The following ITPR2 variants were observed in gnomAD, a reference collection of about 807,000 sequenced individuals.
ITPR2 encodes inositol 1,4,5-trisphosphate receptor type 2, also known as inositol 1,4,5-trisphosphate-gated calcium channel ITPR2.
Under a neutral mutation model 317.1 loss-of-function variants are expected in ITPR2, and 207 were observed. That is an observed-to-expected ratio of 0.65 (90% CI 0.58 to 0.73). The LOEUF (loss-of-function observed/expected upper bound fraction) is 0.73. Among genes scored for constraint, ITPR2 ranks in the 30% least tolerant of loss-of-function variants. The pLI is 0.00. For synonymous variants in ITPR2, 1,156 were observed against 1,149.1 expected (o/e 1.01, Z -0.12); for missense variants, 2,613 against 3,284.0 (o/e 0.80, Z 4.99).
chr12:26,439,686 C>T lies in ITPR2; in HGVS notation c.6451-367G>A, dbSNP rs143577737. ...ATTGGCTGGGTAGCCTTAAACATAGCGCTTATGTTATTTGTATCTTGTTCT... is the reference window on the plus strand; with the variant it reads ...ATTGGCTGGGTAGCCTTAAACATAGTGCTTATGTTATTTGTATCTTGTTCT... On this transcript the variant is annotated intron_variant, in intron 46 of 56. Transcript: ENST00000381340. Among the ~76,000 whole-genome samples, 25 of 152,260 alleles carry T rather than the reference C, an allele frequency of 1.6e-4. No individual in the cohort carries two copies. The East Asian group carries it at 2.3e-3, about 14-fold the overall frequency.
rs547133691 is a variant in ITPR2, at chr12:26,774,815, T to G, written c.163+15342A>C. Among the ~76,000 whole-genome samples, 8 of 152,318 alleles carry G rather than the reference T, an allele frequency of 5.3e-5. No individual in the cohort carries two copies. The East Asian group carries it at 1.5e-3, about 29-fold the overall frequency. On this transcript the variant is annotated intron_variant, in intron 2 of 56. Transcript: ENST00000381340. ...CTGCATGAGAGCTCTCCCTGCCACA[T>G]GGAGAAACAGCAGGAACAGTGCAGA...
intron 55 of ITPR2, among the ~76,000 whole-genome samples, chr12:26,343,423 A>G (rs906201457): frequency 6.6e-6 from 1 of 152,252 alleles, no homozygotes; most frequent in African/African-American, 2.4e-5. Context: ...TAATGGATGC[A>G]GACTATTAGC....
chr12:26,527,843 T>G (rs1173153378), intron 37 of ITPR2, among the ~76,000 whole-genome samples: 2 of 152,198 alleles, frequency 1.3e-5, no homozygotes, highest in African/African-American at 4.8e-5. Context: ...TGGAGAAAGG[T>G]CAATAGGGAA....
chr12:26,631,490 T>C (rs1256005336), intron 22 of ITPR2, among the ~76,000 whole-genome samples: 1 of 152,202 alleles, frequency 6.6e-6, no homozygotes, highest in African/African-American at 2.4e-5. Context: ...TCAATTCAAT[T>C]AAAAATAGGA....
intron 52 of ITPR2, among the ~76,000 whole-genome samples, chr12:26,410,974 A>G (rs1940527345): frequency 6.6e-6 from 1 of 152,228 alleles, no homozygotes; most frequent in South Asian, 2.1e-4. Flanking sequence ...CTTTTGAATT[A>G]TAAGCCCATA....
At chr12:26,495,005 T>C in intron 38 of ITPR2, 147 bp downstream of exon 38, 3 of 628,936 alleles carry the variant, frequency 4.8e-6, no homozygotes, top group South Asian at 1.9e-5. Flanking sequence ...TGTTGTTTTA[T>C]GAGCCCCAAA....
In ITPR2 at chr12:26,716,234, T is replaced by C. The variant is rs754574514; in HGVS notation, c.534A>G (p.Val178=). 1.9e-6 allele frequency: 3 copies of C among 1,605,572 alleles called. No individual in the cohort carries two copies. The highest frequency in any genetic ancestry group is 2.2e-5 in the East Asian group (1 of 44,766). ...CAGGCATCAAAACAACTTTATCTCC[T>C]ACAACAATCTAGGAAGCAGAAATAA... ...KLRSEGDNIV[V]GDKVVLMPVN... is the part of the protein sequence containing the mutation. The change falls in exon 6 of 57, where the codon GTA becomes GTG. Residue 178 remains valine (V), a synonymous_variant. Transcript: ENST00000381340.
At chr12:26,528,381 G>A (rs548857545) in intron 37 of ITPR2, among the ~76,000 whole-genome samples, 10 of 152,246 alleles carry the variant, frequency 6.6e-5, no homozygotes, top group Non-Finnish European at 1.2e-4. Flanking sequence ...TTGTATGTTT[G>A]AGGAACACTG....
intron 43 of ITPR2, among the ~76,000 whole-genome samples, chr12:26,479,571 A>C (rs1364550512): frequency 6.6e-6 from 1 of 152,210 alleles, no homozygotes; most frequent in African/African-American, 2.4e-5. Context: ...AAGATAAAAC[A>C]ACAAAAATTT....
At chr12:26,342,283 T>C (rs1462516302) in intron 55 of ITPR2, among the ~76,000 whole-genome samples, 2 of 152,180 alleles carry the variant, frequency 1.3e-5, no homozygotes, top group African/African-American at 4.8e-5. Flanking sequence ...CTGTGCTAAA[T>C]GCTCTTTAAG....
At chr12:26,381,729 G>T (rs572118714) in intron 55 of ITPR2, among the ~76,000 whole-genome samples, 1 of 152,160 alleles carries the variant, frequency 6.6e-6, no homozygotes, top group African/African-American at 2.4e-5. Flanking sequence ...GCAGTAAAAG[G>T]AGGAAACGGT....
intron 48 of ITPR2, among the ~76,000 whole-genome samples, chr12:26,430,635 T>C (rs537640258): frequency 1.0e-3 from 155 of 152,346 alleles, no homozygotes; most frequent in Non-Finnish European, 1.3e-4. Flanking sequence ...CTCTCCTTAA[T>C]ACTTTATATA....
At chr12:26,472,925 C>T (rs1351928656) in intron 45 of ITPR2, among the ~76,000 whole-genome samples, 11 of 151,948 alleles carry the variant, frequency 7.2e-5, no homozygotes, top group Non-Finnish European at 1.6e-4. Flanking sequence ...CTTGCTCTAT[C>T]GCCCAGGATG....
intron 34 of ITPR2, among the ~76,000 whole-genome samples, chr12:26,574,134 G>T (rs1018867275): frequency 6.6e-6 from 1 of 151,606 alleles, no homozygotes; most frequent in Non-Finnish European, 1.5e-5. Flanking sequence ...AACTGCAAAA[G>T]AGTTACTTTT....
At chr12:26,782,037 T>TAGAG (rs1177233376) in intron 2 of ITPR2, among the ~76,000 whole-genome samples, 1,541 of 51,408 alleles carry the variant, frequency 0.03, 67 homozygotes, top group African/African-American at 0.067. Context: ...TATATATGTA[T>TAGAG]AGAGAGAGAG....
intron 37 of ITPR2, among the ~76,000 whole-genome samples, chr12:26,520,995 C>T (rs1428454946): frequency 6.6e-6 from 1 of 152,158 alleles, no homozygotes. Context: ...CTGAACCAAA[C>T]ATCACATTGA....
chr12:26,590,563 C>T lies in ITPR2; in HGVS notation c.4380+4902G>A, dbSNP rs190360689. On this transcript the variant is annotated intron_variant, in intron 32 of 56. Coordinates refer to ENST00000381340, the MANE Select transcript of ITPR2 (RefSeq NM_002223.4). ...AAATAGTGCGAGGAAAACTGAATAT[C>T]CATAAGCAGAAGAAATGAAACTATA... Among the ~76,000 whole-genome samples, 1,482 of 152,162 alleles carry T rather than the reference C, an allele frequency of 9.7e-3. 14 individuals are homozygous for T. Among genetic ancestry groups the T allele is most frequent in the African/African-American group, 0.033 (1,354 of 41,512 alleles).
intron 10 of ITPR2, among the ~76,000 whole-genome samples, chr12:26,695,000 T>C (rs2136988896): frequency 6.6e-6 from 1 of 152,298 alleles, no homozygotes. Context: ...CCTAAAGCTA[T>C]GTATCAATGC....
intron 45 of ITPR2, among the ~76,000 whole-genome samples, chr12:26,466,190 G>A (rs1027644076): frequency 1.3e-5 from 2 of 152,162 alleles, no homozygotes; most frequent in African/African-American, 4.8e-5. Flanking sequence ...AATCAGAAGT[G>A]TTGATCATTG....
Sources: allele counts gnomAD v4.1 joint callset (sites outside exome capture counted in the v4.1 genomes callset), GRCh38; gene constraint gnomAD v4.1.1; transcripts MANE v1.5; gene names NCBI Gene and HGNC (gene_info 2026-07-23, HGNC 2026-07-21).